Variants in ODF2 observed in about 807,000 individuals in gnomAD.
The protein encoded by ODF2 is outer dense fiber of sperm tails 2, also known as outer dense fiber protein 2.
Under a neutral mutation model 110.2 loss-of-function variants are expected in ODF2, and 47 were observed. That is an observed-to-expected ratio of 0.43 (90% CI 0.34 to 0.54). ODF2 has a LOEUF of 0.54. Ranked by LOEUF, ODF2 falls within the 20% of genes least tolerant of loss-of-function variation. The probability of loss-of-function intolerance (pLI) is 0.03; values close to 1 mark genes in which losing one functional copy is unlikely to be tolerated. For synonymous variants in ODF2, 352 were observed against 397.7 expected, an observed-to-expected ratio of 0.89 and a Z score of 1.37; for missense variants, 812 against 1,054.5, an observed-to-expected ratio of 0.77 and a Z score of 3.19.
At chr9:128,465,244 T>C (rs1837532362) in intron 4 of ODF2, among the ~76,000 whole-genome samples, 1 of 152,144 alleles carries the variant, frequency 6.6e-6, no homozygotes, top group Non-Finnish European at 1.5e-5. Context: ...TGGCTTCCTG[T>C]GGCCCTGAGA....
intron 4 of ODF2, among the ~76,000 whole-genome samples, chr9:128,467,238 G>A (rs920704224): frequency 1.3e-5 from 2 of 150,528 alleles, no homozygotes; most frequent in African/African-American, 2.4e-5. Flanking sequence ...GCATGATGCC[G>A]TACAGAATAC....
chr9:128,492,576 C>T, intron 15 of ODF2, 40 bp downstream of exon 15: 1 of 1,534,016 alleles, frequency 6.5e-7, no homozygotes, highest in Non-Finnish European at 9.0e-7. Context: ...GAGCAGTGCC[C>T]TCCCTGCCCC....
intron 17 of ODF2, 79 bp from the exon 18 acceptor site, chr9:128,495,962 G>A (rs1226775442): frequency 1.9e-6 from 3 of 1,545,724 alleles, no homozygotes; most frequent in Admixed American, 3.4e-5. Flanking sequence ...TCCTGGGTGT[G>A]GACAACAGGT....
At chr9:128,495,371 G>C (rs1230908215) in intron 17 of ODF2, among the ~76,000 whole-genome samples, 1 of 152,248 alleles carries the variant, frequency 6.6e-6, no homozygotes, top group African/African-American at 2.4e-5. Flanking sequence ...CCAAGGCATA[G>C]AGAGGAGAAG....
upstream of ODF2, chr9:128,455,980 C>T (rs1834670845): frequency 7.1e-7 from 1 of 1,410,568 alleles, no homozygotes; most frequent in Non-Finnish European, 9.2e-7. Context: ...TGACGGGACG[C>T]GTGGCCCGGA....
chr9:128,492,658 C>T lies in ODF2; in HGVS notation c.1648-43C>T, dbSNP rs781480632. 120 of 1,581,844 alleles carry T rather than the reference C, an allele frequency of 7.6e-5. 1 individual carries two copies. In the Middle Eastern group the frequency reaches 8.3e-4, roughly 11 times the overall value. On this transcript the variant is annotated intron_variant, in intron 15 of 20. Transcript: ENST00000604420. ...GTATGGAAGATGGTTTTCATCAAAACGTGGCTCTACCTAAGATGAACCACA... is the reference window on the plus strand; with the variant it reads ...GTATGGAAGATGGTTTTCATCAAAATGTGGCTCTACCTAAGATGAACCACA...
At chr9:128,488,926 G>T (rs1843964676) in intron 14 of ODF2, among the ~76,000 whole-genome samples, 1 of 152,192 alleles carries the variant, frequency 6.6e-6, no homozygotes, top group African/African-American at 2.4e-5. Flanking sequence ...AGAATTGCTT[G>T]AGCCCAGGAA....
chr9:128,472,889 A>AC (rs780820682), intron 6 of ODF2, 24 bp from the exon 7 acceptor site: 1 of 1,613,274 alleles, frequency 6.2e-7, no homozygotes, highest in African/African-American at 1.3e-5. Context: ...GGGAGGGCTC[A>AC]CAGAGCCGTC....
intron 5 of ODF2, chr9:128,469,560 A>G: frequency 3.4e-6 from 2 of 583,018 alleles, no homozygotes; most frequent in East Asian, 5.8e-5. Flanking sequence ...TCTATTGAGC[A>G]TGTAGCTGTC....
intron 7 of ODF2, 83 bp downstream of exon 7, chr9:128,473,125 C>T: frequency 5.7e-6 from 9 of 1,586,028 alleles, no homozygotes; most frequent in Non-Finnish European, 7.7e-6. Flanking sequence ...CTTTACGCGT[C>T]ATCAGGCAGA....
chr9:128,465,875 C>T (rs890637551), intron 4 of ODF2, among the ~76,000 whole-genome samples: 7 of 152,180 alleles, frequency 4.6e-5, no homozygotes, highest in African/African-American at 1.4e-4. Flanking sequence ...AGCAATGGCT[C>T]ACTCCTGTAA....
intron 20 of ODF2, among the ~76,000 whole-genome samples, 199 bp from the exon 21 acceptor site, chr9:128,499,868 C>T (rs1218986557): frequency 6.6e-6 from 1 of 152,158 alleles, no homozygotes; most frequent in African/African-American, 2.4e-5. Flanking sequence ...TCCTGACCTC[C>T]CGAAGTGTTG....
At chr9:128,476,668 T>C (rs1318567180) in intron 8 of ODF2, among the ~76,000 whole-genome samples, 1 of 151,266 alleles carries the variant, frequency 6.6e-6, no homozygotes, top group Non-Finnish European at 1.5e-5. Context: ...GACAGAGTCT[T>C]GCTCTGTCGC....
intron 4 of ODF2, among the ~76,000 whole-genome samples, chr9:128,468,408 A>G (rs1355881745): frequency 6.6e-6 from 1 of 152,184 alleles, no homozygotes; most frequent in Non-Finnish European, 1.5e-5. Flanking sequence ...TCTGTCACCC[A>G]GGCTGGCATG....
At chr9:128,492,566 G>T in intron 15 of ODF2, 30 bp downstream of exon 15, 1 of 1,562,246 alleles carries the variant, frequency 6.4e-7, no homozygotes, top group South Asian at 1.1e-5. Context: ...TGGCCCTTCT[G>T]AGCAGTGCCC....
Position 128,494,868 on chromosome 9 carries a change from A to T in ODF2, c.1911+200A>T. On this transcript the variant is annotated intron_variant, in intron 17 of 20. Coordinates refer to ENST00000604420, the Ensembl canonical transcript of ODF2. The surrounding 1 kb of genome is among the most constrained non-coding windows in gnomAD (Gnocchi z 4.6). ...GTGTTTGCACAAAGTGATTGTAGTT[A>T]TAGGAGCCGTCACTTGCGTGGAGTC... The T allele has an allele frequency of 6.8e-7, 1 of 1,461,068 alleles. No homozygotes were observed. The highest frequency in any genetic ancestry group is 9.0e-7 in the Non-Finnish European group (1 of 1,108,892). 90.5% of individuals were successfully genotyped at this position (1,461,068 alleles called of 1,614,324 possible).
At chr9:128,497,446 A>AAAAATATATATAT (rs1554857542) in intron 18 of ODF2, 1 of 42,598 alleles carries the variant, frequency 2.3e-5, no homozygotes, top group Non-Finnish European at 3.6e-5. Context: ...AAAAAAAAAA[A>AAAAATATATATAT]ATATATATAT....
chr9:128,456,044 C>T (rs1047224580), upstream of ODF2: 53 of 1,482,226 alleles, frequency 3.6e-5, no homozygotes, highest in Admixed American at 1.2e-3. Context: ...AGGGGCTGGG[C>T]CTCGATGGCG....
chr9:128,456,842 C>A (rs1233362275), intron 1 of ODF2: 3 of 1,317,966 alleles, frequency 2.3e-6, no homozygotes, highest in Non-Finnish European at 1.9e-6. Context: ...GGCGGGGCGC[C>A]CGGGGCCCGT....
Sources: gnomAD v4.1 joint callset for allele counts (sites outside exome capture counted in the v4.1 genomes callset) on GRCh38, gnomAD v4.1.1 for gene constraint, Gnocchi (gnomAD v3.1) non-coding constraint, MANE v1.5 for transcripts, NCBI Gene and HGNC (gene_info 2026-07-23, HGNC 2026-07-21) for gene names.